Variants in CLCN3 observed in about 807,000 individuals in gnomAD.
The protein encoded by CLCN3 is Cl-/H+ antiporter 3.
Under a neutral mutation model 83.4 loss-of-function variants are expected in CLCN3, and 16 were observed. The ratio of observed to expected loss-of-function variants is 0.19; its 90% CI spans 0.13 to 0.29. The LOEUF is 0.29. Ranked by LOEUF, CLCN3 falls within the 10% of genes least tolerant of loss-of-function variation. The probability of loss-of-function intolerance (pLI) is 1.00; values close to 1 mark genes in which losing one functional copy is unlikely to be tolerated. For synonymous variants in CLCN3, 322 were observed against 346.2 expected, an observed-to-expected ratio of 0.93 and a Z score of 0.78; for missense variants, 544 against 1,006.0, an observed-to-expected ratio of 0.54 and a Z score of 6.21.
intron 2 of CLCN3, among the ~76,000 whole-genome samples, chr4:169,648,045 G>C (rs1263484207): frequency 6.6e-6 from 1 of 152,124 alleles, no homozygotes; most frequent in Non-Finnish European, 1.5e-5. Context: ...CATTTTACAG[G>C]ATACCTGACT....
rs72696633 is a variant in CLCN3 at position 169,698,765 on chromosome 4, C to T, written c.1563+1031C>T. The stretch of plus-strand genomic sequence containing the variant: ...AGTTCTGCAAATCAAAAGTCTGAAA[C>T]GGATCTCACTGTGCTAAAATTAAGG... On this transcript the variant is annotated intron_variant, in intron 9 of 12. Coordinates refer to ENST00000513761, the MANE Select transcript of CLCN3 (RefSeq NM_001829.4). 3.6e-3 allele frequency among the ~76,000 whole-genome samples: 546 copies of T among 152,300 alleles called. 3 individuals are homozygous for T. Among genetic ancestry groups the T allele is most frequent in the South Asian group, 0.022 (106 of 4,826 alleles).
chr4:169,647,767 C>T (rs1444012905), intron 2 of CLCN3, among the ~76,000 whole-genome samples: 1 of 152,162 alleles, frequency 6.6e-6, no homozygotes, highest in African/African-American at 2.4e-5. Context: ...GTACCCATTC[C>T]ATTCTATGGA....
rs534364329 is a variant in CLCN3, at chr4:169,707,473, T to C, written c.2149+207T>C. Among the ~76,000 whole-genome samples the C allele has an allele frequency of 2.0e-5, 3 of 152,306 alleles. No homozygotes were observed. In the South Asian group the frequency reaches 6.2e-4, roughly 32 times the overall value. On this transcript the variant is annotated intron_variant, in intron 11 of 12. Transcript: ENST00000513761. ...TAGCAGAAAATCTGTATTTCAGTTTTGTCTTTTGATCTGGCATTGTACCAG... is the reference window on the plus strand; with the variant it reads ...TAGCAGAAAATCTGTATTTCAGTTTCGTCTTTTGATCTGGCATTGTACCAG...
At chr4:169,702,775 TACAAAAAAAAAA>T (rs1301866125) in intron 9 of CLCN3, 1 of 103,224 alleles carries the variant, frequency 9.7e-6, no homozygotes. Context: ...GACCCATCTC[TACAAAAAAAAAA>T]AAAAAAAAAA....
chr4:169,684,674 G>A (rs1360358428), intron 3 of CLCN3, among the ~76,000 whole-genome samples: 3 of 152,124 alleles, frequency 2.0e-5, no homozygotes, highest in Non-Finnish European at 2.9e-5. Context: ...GGTGATACTT[G>A]TTACTTCTGG....
At chr4:169,707,368 G>A in intron 11 of CLCN3, 102 bp downstream of exon 11, 1 of 866,304 alleles carries the variant, frequency 1.2e-6, no homozygotes, top group Non-Finnish European at 1.7e-6. Context: ...GTGGGGGCAA[G>A]GGACATTATT....
intron 2 of CLCN3, among the ~76,000 whole-genome samples, chr4:169,654,827 G>A (rs1249489309): frequency 2.0e-5 from 3 of 152,082 alleles, no homozygotes; most frequent in Non-Finnish European, 4.4e-5. Flanking sequence ...ATAATGTGAA[G>A]TTTTCAGTTA....
intron 9 of CLCN3, 70 bp from the exon 10 acceptor site, chr4:169,703,928 C>T (rs1732890646): frequency 8.6e-6 from 12 of 1,399,230 alleles, no homozygotes; most frequent in Non-Finnish European, 1.1e-5. Context: ...GAAATAAATG[C>T]ATAGAATGTA....
chr4:169,621,710 A>T (rs1316773829), intron 1 of CLCN3, among the ~76,000 whole-genome samples: 1 of 152,262 alleles, frequency 6.6e-6, no homozygotes, highest in Non-Finnish European at 1.5e-5. Flanking sequence ...GGAGCTATGC[A>T]GTTCAGTTAC....
chr4:169,689,383 A>G (rs771502084), intron 5 of CLCN3, among the ~76,000 whole-genome samples, 153 bp downstream of exon 5: 1 of 152,254 alleles, frequency 6.6e-6, no homozygotes, highest in Non-Finnish European at 1.5e-5. Context: ...AATTAAGTGC[A>G]ATATTGTTTC....
chr4:169,701,008 C>T (rs184621901), intron 9 of CLCN3, among the ~76,000 whole-genome samples: 8 of 152,136 alleles, frequency 5.3e-5, no homozygotes, highest in East Asian at 1.9e-4. Flanking sequence ...TGAAATTTGC[C>T]GCATTGATTG....
chr4:169,627,206 C>T (rs1773257326), intron 1 of CLCN3, among the ~76,000 whole-genome samples: 2 of 152,168 alleles, frequency 1.3e-5, no homozygotes, highest in Admixed American at 6.5e-5. Context: ...TCCTTTACCT[C>T]TTACATAAGC....
At chr4:169,705,762 G>GA (rs1389575003) in intron 10 of CLCN3, among the ~76,000 whole-genome samples, 6 of 152,110 alleles carry the variant, frequency 3.9e-5, no homozygotes, top group Non-Finnish European at 7.4e-5. Context: ...AGGTTTTTGA[G>GA]CAAAAGAGCA....
In CLCN3 at chr4:169,690,599, G is replaced by A; in HGVS notation, c.676G>A (p.Val226Ile). 1 of 1,613,930 alleles carries A rather than the reference G, an allele frequency of 6.2e-7. No homozygotes were observed. Among genetic ancestry groups the A allele is most frequent in the Non-Finnish European group, 8.5e-7 (1 of 1,179,808 alleles). The change falls in exon 6 of 13, where the codon GTT (valine) becomes ATT (isoleucine). Residue 226 changes from valine (V) to isoleucine (I), a missense_variant. By Grantham distance (29) the Val-to-Ile change is conservative. Transcript: ENST00000513761. ...FWALSFAFLA[V>I]SLVKVFAPYA... Reference sequence around the variant, plus strand: ...GGCCTTGAGTTTTGCCTTTCTTGCAGTTTCCCTGGTAAAGGTATTTGCTCC... The same window carrying A: ...GGCCTTGAGTTTTGCCTTTCTTGCAATTTCCCTGGTAAAGGTATTTGCTCC...
chr4:169,696,386 A>G (rs568027177), intron 8 of CLCN3, among the ~76,000 whole-genome samples: 14 of 152,272 alleles, frequency 9.2e-5, no homozygotes, highest in Admixed American at 8.5e-4. Context: ...TTCTTTTTAC[A>G]TAAAAATGTA....
At chr4:169,655,116 A>G (rs28620847) in intron 2 of CLCN3, among the ~76,000 whole-genome samples, 1,562 of 152,282 alleles carry the variant, frequency 0.01, 20 homozygotes, top group African/African-American at 0.035. Context: ...CTACTTTGAT[A>G]TTAATATAAC....
chr4:169,699,711 G>GTC (rs1422032516), intron 9 of CLCN3, among the ~76,000 whole-genome samples: 1 of 151,820 alleles, frequency 6.6e-6, no homozygotes, highest in Non-Finnish European at 1.5e-5. Context: ...GTGAAACCCC[G>GTC]TCTTTACTAA....
intron 2 of CLCN3, among the ~76,000 whole-genome samples, chr4:169,664,519 A>G (rs1560843524): frequency 6.6e-6 from 1 of 152,186 alleles, no homozygotes; most frequent in Non-Finnish European, 1.5e-5. Flanking sequence ...ATTGGCCCTA[A>G]TATTTTATCC....
chr4:169,660,457 A>G (rs1431245509), intron 2 of CLCN3: 1 of 1,320,146 alleles, frequency 7.6e-7, no homozygotes, highest in African/African-American at 1.5e-5. Context: ...AGGTAATACT[A>G]TCCCCTTGCT....
Sources: allele counts gnomAD v4.1 joint callset (sites outside exome capture counted in the v4.1 genomes callset), GRCh38; gene constraint gnomAD v4.1.1; transcripts MANE v1.5; gene names NCBI Gene and HGNC (gene_info 2026-07-23, HGNC 2026-07-21).